The following SCN3A variants were observed in gnomAD, a reference collection of about 807,000 sequenced individuals.
The protein encoded by SCN3A is sodium channel protein type 3 subunit alpha.
SCN3A carries 60 observed loss-of-function variants against 187.6 expected under a neutral mutation model. That is an observed-to-expected ratio of 0.32 (90% CI 0.26 to 0.40). The LOEUF is 0.40. Among genes scored for constraint, SCN3A ranks in the 10% least tolerant of loss-of-function variants. The pLI is 1.00. For missense variants in SCN3A, 1,601 were observed against 2,428.2 expected, an observed-to-expected ratio of 0.66 and a Z score of 7.16; for synonymous variants, 788 against 829.2, an observed-to-expected ratio of 0.95 and a Z score of 0.85.
At chr2:165,186,292 A>C (rs74794217) in intron 2 of SCN3A, among the ~76,000 whole-genome samples, 52,508 of 146,322 alleles carry the variant, frequency 0.36, 9,444 homozygotes, top group South Asian at 0.51. Flanking sequence ...ACAACAACAA[A>C]AAAACAAAAA....
intron 23 of SCN3A, 45 bp downstream of exon 23, chr2:165,097,207 A>G (rs1300103551): frequency 1.9e-6 from 3 of 1,611,502 alleles, no homozygotes; most frequent in Admixed American, 3.3e-5. Context: ...ATCTTCCTTG[A>G]AACATCTTGA....
intron 15 of SCN3A, among the ~76,000 whole-genome samples, chr2:165,137,563 G>T (rs890148079): frequency 6.6e-6 from 1 of 152,060 alleles, no homozygotes. Flanking sequence ...CCACATGATT[G>T]TGGAGCCAGT....
At chr2:165,108,727 G>A (rs892352994) in intron 21 of SCN3A, among the ~76,000 whole-genome samples, 1 of 151,940 alleles carries the variant, frequency 6.6e-6, no homozygotes, top group Non-Finnish European at 1.5e-5. Context: ...GTGGTCAATA[G>A]CAGCATCTAT....
At chr2:165,091,613 T>C (rs1685111450) in intron 27 of SCN3A, among the ~76,000 whole-genome samples, 1 of 152,218 alleles carries the variant, frequency 6.6e-6, no homozygotes, top group African/African-American at 2.4e-5. Flanking sequence ...ACCCAATTTA[T>C]ATGAATTGTT....
At chr2:165,146,661 G>T in intron 12 of SCN3A, 78 bp downstream of exon 12, 1 of 1,509,928 alleles carries the variant, frequency 6.6e-7, no homozygotes. Context: ...TAGTACAAAA[G>T]TGTACCAAAA....
chr2:165,144,270 G>A (rs908140251), intron 12 of SCN3A, among the ~76,000 whole-genome samples: 19 of 152,086 alleles, frequency 1.2e-4, no homozygotes, highest in Admixed American at 1.0e-3. Context: ...AATGCTCTTA[G>A]TCTGTCTTTA....
rs1267528170 is a variant in SCN3A, at chr2:165,102,930, A to G, written c.3844-2506T>C. On this transcript the variant is annotated intron_variant, in intron 21 of 27. Transcript: ENST00000283254. ...TTAAAATATTTTTAGGACTTTGAGA[A>G]TACTCACTGCAGATTGGTTTAATCA... Among the ~76,000 whole-genome samples the G allele has an allele frequency of 2.6e-5, 4 of 152,236 alleles. No individual in the cohort carries two copies. In the East Asian group the frequency reaches 5.8e-4, roughly 22 times the overall value.
Position 165,126,923 on chromosome 2 carries a change from C to G in SCN3A, c.3393+708G>C, listed in dbSNP as rs886584342. 9.2e-5 allele frequency among the ~76,000 whole-genome samples: 14 copies of G among 152,134 alleles called. No homozygotes were observed. In the East Asian group the frequency reaches 2.7e-3, roughly 29 times the overall value. On this transcript the variant is annotated intron_variant, in intron 18 of 27. Transcript: ENST00000283254. Reference sequence around the variant, plus strand: ...AGTGAATAAGACTTTCAGAGGTTAACAAAAGTACATAAAGTTTTCACATAA... The same window carrying G: ...AGTGAATAAGACTTTCAGAGGTTAAGAAAAGTACATAAAGTTTTCACATAA...
At chr2:165,156,276 G>A (rs1689020950) in intron 9 of SCN3A, among the ~76,000 whole-genome samples, 1 of 151,920 alleles carries the variant, frequency 6.6e-6, no homozygotes, top group South Asian at 2.1e-4. Flanking sequence ...GGAGGCCAAG[G>A]CGGGCGGATC....
chr2:165,172,394 A>G (rs1299621548), intron 3 of SCN3A, among the ~76,000 whole-genome samples: 2 of 152,194 alleles, frequency 1.3e-5, no homozygotes, highest in Non-Finnish European at 2.9e-5. Context: ...ACTATTCTTT[A>G]CTAGCAGTAG....
At chr2:165,171,723 T>G (rs1690111779) in intron 3 of SCN3A, among the ~76,000 whole-genome samples, 1 of 152,090 alleles carries the variant, frequency 6.6e-6, no homozygotes, top group African/African-American at 2.4e-5. Context: ...TCTTAGTACA[T>G]TAATTTGTAC....
chr2:165,125,959 T>G (rs1686965156), intron 18 of SCN3A, among the ~76,000 whole-genome samples: 1 of 152,206 alleles, frequency 6.6e-6, no homozygotes. Flanking sequence ...ATTTTACCTT[T>G]TTCAAAATAT....
rs761584493 is a variant in SCN3A, at chr2:165,112,984, G to C, written c.3744C>G (p.Thr1248=). The C allele has an allele frequency of 7.8e-5, 125 of 1,612,828 alleles. No individual in the cohort carries two copies. Among genetic ancestry groups the C allele is most frequent in the Non-Finnish European group, 1.0e-4 (118 of 1,179,408 alleles). The part of the protein sequence containing the change: ...TMLEYADKVF[T]YIFILEMLLK... Reference sequence around the variant, plus strand: ...GAAGCATTTCCAGAATGAATATATAGGTAAAGACTTTGTCAGCATATTCTA... The same window carrying C: ...GAAGCATTTCCAGAATGAATATATACGTAAAGACTTTGTCAGCATATTCTA... The change falls in exon 21 of 28, where the codon ACC becomes ACG. Residue 1248 remains threonine (T), a synonymous_variant. Coordinates refer to ENST00000283254, the MANE Select transcript of SCN3A (RefSeq NM_006922.4).
chr2:165,136,614 C>T lies in SCN3A; in HGVS notation c.2391+1265G>A, dbSNP rs568349481. On this transcript the variant is annotated intron_variant, in intron 15 of 27. Coordinates refer to ENST00000283254, the MANE Select transcript of SCN3A (RefSeq NM_006922.4). ...TAAGGTCAAACTCAATTCCACTCCA[C>T]TGCAAAGTCTGTGCTCTTTTGCAAA... is the stretch of plus-strand genomic sequence containing the variant. Among the ~76,000 whole-genome samples the T allele has an allele frequency of 3.9e-5, 6 of 152,326 alleles. No individual in the cohort carries two copies. The South Asian group carries it at 1.0e-3, about 26-fold the overall frequency.
intron 12 of SCN3A, among the ~76,000 whole-genome samples, chr2:165,141,400 G>T (rs1310906391): frequency 6.6e-6 from 1 of 152,164 alleles, no homozygotes; most frequent in African/African-American, 2.4e-5. Flanking sequence ...AGGGAATGTA[G>T]CCTGGAGAAT....
rs1367593011 is a variant in SCN3A at position 165,088,081 on chromosome 2, T to TA, written c.*2068_*2069insT. Reference sequence around the variant, plus strand: ...GCACAGGTTTTATTAATTATATATATTTTAAACTGCCAACAGCAAAAAACA... The same window carrying TA: ...GCACAGGTTTTATTAATTATATATATATTTAAACTGCCAACAGCAAAAAACA... On this transcript the variant is annotated 3_prime_UTR_variant, in exon 28 of 28. Coordinates refer to ENST00000283254, the MANE Select transcript of SCN3A (RefSeq NM_006922.4). The TA allele has an allele frequency of 6.6e-6, 1 of 152,432 alleles. No individual in the cohort carries two copies. The highest frequency in any genetic ancestry group is 1.5e-5 in the Non-Finnish European group (1 of 67,978). The allele number at this position is 152,432 out of a possible 1,614,324, so 9.4% of individuals were successfully genotyped here.
In SCN3A at chr2:165,164,376, T is replaced by A. The variant is rs1478889126; in HGVS notation, c.602+16A>T. ...TTTCACTCCTTTGCGCTTATCAAAT[T>A]TTCAAAGTTACTCACGCCATCACAA... On this transcript the variant is annotated intron_variant, in intron 6 of 27. Coordinates refer to ENST00000283254, the MANE Select transcript of SCN3A (RefSeq NM_006922.4). The A allele has an allele frequency of 6.2e-7, 1 of 1,613,650 alleles. No homozygotes were observed.
At chr2:165,191,207 G>A (rs1691589772) in intron 1 of SCN3A, among the ~76,000 whole-genome samples, 1 of 151,852 alleles carries the variant, frequency 6.6e-6, no homozygotes, top group African/African-American at 2.4e-5. Flanking sequence ...CGCTGCACCT[G>A]GAACCTTGAA....
chr2:165,128,175 CAT>C (rs1687110292), intron 17 of SCN3A, 74 bp from the exon 18 acceptor site: 1 of 1,164,430 alleles, frequency 8.6e-7, no homozygotes, highest in African/African-American at 1.6e-5. Flanking sequence ...AAAGGGAACT[CAT>C]AGATCTTTGC....
Sources: gnomAD v4.1 joint callset for allele counts (sites outside exome capture counted in the v4.1 genomes callset) on GRCh38, gnomAD v4.1.1 for gene constraint, MANE v1.5 for transcripts, NCBI Gene and HGNC (gene_info 2026-07-23, HGNC 2026-07-21) for gene names.